SEMA3A: variants seen among roughly 807,000 people sequenced by gnomAD.
The protein encoded by SEMA3A is semaphorin-3A.
A neutral mutation model predicts 97.9 loss-of-function variants in SEMA3A; 29 were observed. That is an observed-to-expected ratio of 0.30 (90% CI 0.22 to 0.40). SEMA3A has a LOEUF of 0.40. SEMA3A is among the 10% of genes least tolerant of loss of function. The pLI, the probability that SEMA3A is intolerant of heterozygous loss-of-function variation, is 1.00. For synonymous variants in SEMA3A, 321 were observed against 323.7 expected (o/e 0.99, Z 0.09); for missense variants, 763 against 951.3 (o/e 0.80, Z 2.60).
chr7:84,424,716 T>TAG (rs1554383835), intron 1 of SEMA3A, among the ~76,000 whole-genome samples: 1 of 99,066 alleles, frequency 1.0e-5, no homozygotes, highest in Non-Finnish European at 1.7e-5. Context: ...ATATAATATA[T>TAG]AAATTATTTA....
In SEMA3A at chr7:84,094,470, C is replaced by T. The variant is rs1041596765; in HGVS notation, c.453+16000G>A. 2.7e-4 allele frequency among the ~76,000 whole-genome samples: 41 copies of T among 151,790 alleles called. 1 individual carries two copies. Among genetic ancestry groups the T allele is most frequent in the African/African-American group, 8.5e-4 (35 of 41,308 alleles). On this transcript the variant is annotated intron_variant, in intron 4 of 16. Transcript: ENST00000265362. ...TAAGGCCAATTCAAGGTTAAGGCTCCGCTGGCATTATTATATCTACTTGTA... is the reference window on the plus strand; with the variant it reads ...TAAGGCCAATTCAAGGTTAAGGCTCTGCTGGCATTATTATATCTACTTGTA...
intron 3 of SEMA3A, among the ~76,000 whole-genome samples, chr7:84,301,029 T>C (rs969479999): frequency 6.6e-6 from 1 of 152,112 alleles, no homozygotes; most frequent in Non-Finnish European, 1.5e-5. Flanking sequence ...CATTAATTAT[T>C]TTATGGATTA....
At chr7:84,386,715 T>C (rs1309148726) in intron 1 of SEMA3A, among the ~76,000 whole-genome samples, 1 of 152,102 alleles carries the variant, frequency 6.6e-6, no homozygotes, top group African/African-American at 2.4e-5. Flanking sequence ...AGAGTGCAGG[T>C]TCTTTTATAA....
At position 84,011,196 on chromosome 7, in the gene SEMA3A, A is replaced by C. The variant is rs749429274; in HGVS notation, c.912T>G (p.His304Gln). The change falls in exon 8 of 17, where the codon CAT becomes CAG. Residue 304 changes from histidine to glutamine, a missense_variant. This residue lies in a region of SEMA3A where 678 missense variants were observed against 881.3 expected (regional missense o/e 0.77). Coordinates refer to ENST00000265362, the MANE Select transcript of SEMA3A (RefSeq NM_006080.3). ...CTAGCTTCTTACGCAGTTCATCAAA[A>C]TGAGTGTCAATGCCATTTGGACCTG... The part of the protein sequence containing the change: ...SVPGPNGIDT[H>Q]FDELQDVFLM... 6.2e-7 allele frequency: 1 copy of C among 1,613,326 alleles called. No individual in the cohort carries two copies. Among genetic ancestry groups the C allele is most frequent in the Non-Finnish European group, 8.5e-7 (1 of 1,179,262 alleles).
intron 4 of SEMA3A, among the ~76,000 whole-genome samples, chr7:84,106,596 G>A (rs1795115617): frequency 6.6e-6 from 1 of 152,186 alleles, no homozygotes; most frequent in Admixed American, 6.5e-5. Flanking sequence ...AGACGAAACT[G>A]AAGGTTATTT....
intron 6 of SEMA3A, among the ~76,000 whole-genome samples, chr7:84,035,207 AC>A (rs1791898067): frequency 6.6e-6 from 1 of 152,138 alleles, no homozygotes. Context: ...TCCAGATCTT[AC>A]TGAGACCAAT....
intron 12 of SEMA3A, among the ~76,000 whole-genome samples, chr7:83,991,456 A>T (rs200891072): frequency 0.28 from 40,262 of 145,894 alleles, 6,435 homozygotes; most frequent in East Asian, 0.61. Flanking sequence ...GGCTGTGGGT[A>T]TGTCATAGAT....
chr7:84,442,760 C>G (rs543449233), intron 1 of SEMA3A, among the ~76,000 whole-genome samples: 4 of 151,620 alleles, frequency 2.6e-5, no homozygotes, highest in African/African-American at 9.7e-5. Flanking sequence ...TAAAATGGGT[C>G]GAAGAGAAAG....
chr7:84,184,921 G>C (rs889572060), intron 1 of SEMA3A, among the ~76,000 whole-genome samples: 3 of 152,056 alleles, frequency 2.0e-5, no homozygotes, highest in Admixed American at 2.0e-4. Flanking sequence ...ACAATGGAAC[G>C]TGCCCTGGGA....
In SEMA3A at chr7:84,415,701, A is replaced by C. The variant is rs537348677; in HGVS notation, c.-245-43801T>G. 2.0e-5 allele frequency among the ~76,000 whole-genome samples: 3 copies of C among 152,038 alleles called. No individual in the cohort carries two copies. In the East Asian group the frequency reaches 5.8e-4, roughly 29 times the overall value. On this transcript the variant is annotated intron_variant, in intron 1 of 3. Transcript: ENST00000424555. Reference sequence around the variant, plus strand: ...ATCATTTGAGGACATCAATAATGAAATATGTAGCATGTTTTGGCATTTTTT... The same window carrying C: ...ATCATTTGAGGACATCAATAATGAACTATGTAGCATGTTTTGGCATTTTTT...
intron 3 of SEMA3A, among the ~76,000 whole-genome samples, chr7:84,259,700 A>G (rs1181620035): frequency 1.3e-5 from 2 of 151,996 alleles, no homozygotes; most frequent in East Asian, 1.9e-4. Flanking sequence ...GGAGATATAG[A>G]TGTCACTAAT....
intron 3 of SEMA3A, among the ~76,000 whole-genome samples, chr7:84,252,845 T>C (rs1234948623): frequency 2.0e-5 from 3 of 152,112 alleles, no homozygotes; most frequent in Non-Finnish European, 4.4e-5. Flanking sequence ...TGTGGATGTA[T>C]ACTTTTGTGC....
At chr7:84,033,180 G>A (rs572939046) in intron 6 of SEMA3A, among the ~76,000 whole-genome samples, 1 of 152,214 alleles carries the variant, frequency 6.6e-6, no homozygotes, top group Non-Finnish European at 1.5e-5. Context: ...GAAAACAACT[G>A]TTTTAAACCA....
chr7:84,268,301 G>A (rs1282874650), intron 3 of SEMA3A, among the ~76,000 whole-genome samples: 1 of 149,098 alleles, frequency 6.7e-6, no homozygotes, highest in East Asian at 2.0e-4. Flanking sequence ...GTGTGCAGGT[G>A]CTCTGAGAGA....
At position 84,089,105 on chromosome 7, in the gene SEMA3A, G is replaced by A. The variant is rs185422060; in HGVS notation, c.453+21365C>T. Among the ~76,000 whole-genome samples, 496 of 152,038 alleles carry A rather than the reference G, an allele frequency of 3.3e-3. 1 individual carries two copies. Among genetic ancestry groups the A allele is most frequent in the Non-Finnish European group, 4.8e-3 (329 of 67,956 alleles). On this transcript the variant is annotated intron_variant, in intron 4 of 16. Transcript: ENST00000265362. ...AAGAAGAATGCCATTTGGTGAAAAC[G>A]TATATGTAAACACTCATCTTGAGCA...
At position 84,173,056 on chromosome 7, in the gene SEMA3A, A is replaced by G. The variant is rs951885961; in HGVS notation, c.112+21419T>C. ...AGGGTAAGTTTTTGTTTCTGCCAAC[A>G]CTTTATGACCATATTTTCAGAGGAA... On this transcript the variant is annotated intron_variant, in intron 1 of 16. Transcript: ENST00000265362. 3.3e-5 allele frequency among the ~76,000 whole-genome samples: 5 copies of G among 152,208 alleles called. No homozygotes were observed. The South Asian group carries it at 8.3e-4, about 25-fold the overall frequency.
At chr7:84,271,811 A>G (rs1800158562) in intron 3 of SEMA3A, among the ~76,000 whole-genome samples, 2 of 152,148 alleles carry the variant, frequency 1.3e-5, no homozygotes, top group Non-Finnish European at 2.9e-5. Flanking sequence ...CTAGTCAGAA[A>G]AGTCATCCTC....
intron 3 of SEMA3A, among the ~76,000 whole-genome samples, chr7:84,274,670 T>C (rs948889436): frequency 1.3e-5 from 2 of 152,106 alleles, no homozygotes; most frequent in Admixed American, 1.3e-4. Context: ...ATAAATTATA[T>C]GTATTATAAA....
intron 3 of SEMA3A, among the ~76,000 whole-genome samples, chr7:84,231,904 T>C (rs1799124254): frequency 6.6e-6 from 1 of 151,972 alleles, no homozygotes; most frequent in South Asian, 2.1e-4. Flanking sequence ...CCAGAGAGGA[T>C]ACATGGAATG....
Sources: allele counts gnomAD v4.1 joint callset (sites outside exome capture counted in the v4.1 genomes callset), GRCh38; gene constraint gnomAD v4.1.1; regional missense constraint gnomAD v4.1.1; transcripts MANE v1.5; gene names NCBI Gene and HGNC (gene_info 2026-07-23, HGNC 2026-07-21).